Variants in NEB observed in about 807,000 individuals in gnomAD.
The protein encoded by NEB is nemaline myopathy type 2.
NEB carries 512 observed loss-of-function variants against 952.2 expected under a neutral mutation model. That is an observed-to-expected ratio of 0.54 (90% CI 0.50 to 0.58). The LOEUF (loss-of-function observed/expected upper bound fraction) is 0.58. NEB is among the 20% of genes least tolerant of loss of function. The pLI is 0.00. For missense variants in NEB, 8,428 were observed against 9,231.1 expected (o/e 0.91, Z 3.56); for synonymous variants, 2,900 against 3,149.8 (o/e 0.92, Z 2.66).
Position 151,677,950 on chromosome 2 carries a change from G to A in NEB, c.3493C>T (p.Leu1165Phe). ...TCAGGCAAGTAGGTGTAATGATGGAGAGAATGCTTATAGTTGACATTGCTG... is the reference window on the plus strand; with the variant it reads ...TCAGGCAAGTAGGTGTAATGATGGAAAGAATGCTTATAGTTGACATTGCTG... ...VVSNVNYKHSLHHYTYLPDAM... is the reference protein window; with the variant it reads ...VVSNVNYKHSFHHYTYLPDAM... Residue 1165 changes from leucine (L) to phenylalanine (F), a missense_variant, in exon 33 of 182, where the codon CTC becomes TTC. Leu to Phe is a conservative substitution (Grantham distance 22). This residue lies in a region of NEB where 2,851 missense variants were observed against 2,791.5 expected (regional missense o/e 1.02). Transcript: ENST00000397345. The A allele has an allele frequency of 6.2e-7, 1 of 1,613,960 alleles. No individual in the cohort carries two copies. The highest frequency in any genetic ancestry group is 8.5e-7 in the Non-Finnish European group (1 of 1,179,862).
chr2:151,505,084 C>CA (rs1286365541), intron 165 of NEB, among the ~76,000 whole-genome samples: 2 of 152,076 alleles, frequency 1.3e-5, no homozygotes, highest in Non-Finnish European at 2.9e-5. Flanking sequence ...TATATATACA[C>CA]AAAACCAAAG....
intron 153 of NEB, 129 bp downstream of exon 153, chr2:151,524,182 C>T (rs2083912721): frequency 1.3e-6 from 1 of 756,058 alleles, no homozygotes; most frequent in Admixed American, 2.5e-5. Context: ...TTTTATAACT[C>T]TTGGAAGCTT....
rs2099349831 is a variant in NEB, at chr2:151,675,182, G to A, written c.3879+105C>T. On this transcript the variant is annotated intron_variant, in intron 35 of 181. Transcript: ENST00000397345. ...TGGGATATGTTCCAGTAGGGGATTTGTGAGAAATGGGCCTAAATAAATTGT... is the reference window on the plus strand; with the variant it reads ...TGGGATATGTTCCAGTAGGGGATTTATGAGAAATGGGCCTAAATAAATTGT... 5 of 819,558 alleles carry A rather than the reference G, an allele frequency of 6.1e-6. No individual in the cohort carries two copies. In the South Asian group the frequency reaches 7.3e-5, roughly 12 times the overall value. The allele number at this position is 819,558 out of a possible 1,614,324, so 50.8% of individuals were successfully genotyped here. A position where few individuals can be genotyped will look rare whatever the true frequency, so the allele number is the denominator to read the frequency against.
intron 45 of NEB, 119 bp from the exon 46 acceptor site, chr2:151,662,460 T>G: frequency 1.2e-6 from 1 of 865,394 alleles, no homozygotes; most frequent in South Asian, 3.1e-5. Context: ...ACTTTTCCAC[T>G]TCAATATTTG....
In NEB at chr2:151,490,395, C is replaced by G; in HGVS notation, c.25274G>C (p.Gly8425Ala). 6.3e-7 allele frequency: 1 copy of G among 1,592,536 alleles called. No homozygotes were observed. The highest frequency in any genetic ancestry group is 8.6e-7 in the Non-Finnish European group (1 of 1,168,640). ...ACCTGTTGAGACTGCAAAGACACCC[C>G]CGTCGCTGTAAGTCGAAAGGTGGTG... Reference protein sequence around the residue: ...PDHHLSTYSDGGVFAVSTAYK... With the variant: ...PDHHLSTYSDAGVFAVSTAYK... The change falls in exon 180 of 182, where the codon GGG becomes GCG. Residue 8425 changes from glycine (G) to alanine (A), a missense_variant. Gly to Ala is a moderately conservative substitution (Grantham distance 60). Transcript: ENST00000397345.
At chr2:151,609,552 G>T (rs895403852) in intron 81 of NEB, among the ~76,000 whole-genome samples, 1 of 152,178 alleles carries the variant, frequency 6.6e-6, no homozygotes. Flanking sequence ...ATGCTGTTTA[G>T]TGTTTTGGAT....
In NEB at chr2:151,619,769, G is replaced by T. The variant is rs1386545192; in HGVS notation, c.10561-7C>A. The T allele has an allele frequency of 1.3e-6, 2 of 1,597,560 alleles. No individual in the cohort carries two copies. The highest frequency in any genetic ancestry group is 1.7e-5 in the Admixed American group (1 of 59,452). On this transcript the variant is annotated splice_polypyrimidine_tract_variant and splice_region_variant and intron_variant, in intron 72 of 181. Coordinates refer to ENST00000397345, the MANE Select transcript of NEB (RefSeq NM_001164508.2). ...ATGCTTCTTTGTATTTGTACTGAAA[G>T]AGAGAATCCAGTAAATAAGAAGGAA...
intron 146 of NEB, 45 bp downstream of exon 146, chr2:151,529,165 G>T: frequency 3.9e-6 from 5 of 1,296,100 alleles, no homozygotes; most frequent in Non-Finnish European, 4.5e-6. Flanking sequence ...TCCTACAGAA[G>T]CTGGTAAATC....
At chr2:151,495,523 A>C (rs1418239230) in intron 173 of NEB, among the ~76,000 whole-genome samples, 1 of 152,234 alleles carries the variant, frequency 6.6e-6, no homozygotes, top group Admixed American at 6.5e-5. Flanking sequence ...TGGACACCAC[A>C]AGGTTGTTTG....
chr2:151,537,214 G>C lies in NEB; in HGVS notation c.21125C>G (p.Thr7042Ser). 1 of 1,611,864 alleles carries C rather than the reference G, an allele frequency of 6.2e-7. No homozygotes were observed. The highest frequency in any genetic ancestry group is 8.5e-7 in the Non-Finnish European group (1 of 1,178,348). The change falls in exon 141 of 182, where the codon ACT (threonine) becomes AGT (serine). Residue 7042 changes from threonine (T) to serine (S), a missense_variant. Physicochemically the swap from Thr to Ser is moderately conservative, Grantham distance 58. Around this residue, in one of 11 missense-constraint regions of NEB, gnomAD observed 3,374 missense variants for 3,651.5 expected, o/e 0.92. Transcript: ENST00000397345. ...ATAGCAACCAATGCCTTTAAGCCAA[G>C]TCAAGTCTTCTTTATATTTTACCTG... Reference protein sequence around the residue: ...VSDVKYKEDLTWLKGIGCYAY... With the variant: ...VSDVKYKEDLSWLKGIGCYAY...
intron 124 of NEB, among the ~76,000 whole-genome samples, chr2:151,559,914 G>A (rs545605928): frequency 2.0e-5 from 3 of 152,160 alleles, no homozygotes; most frequent in East Asian, 3.9e-4. Flanking sequence ...CGTTCTGCAC[G>A]TGTACCCCAG....
At chr2:151,487,995 T>C (rs1009606461) in intron 181 of NEB, among the ~76,000 whole-genome samples, 1 of 152,294 alleles carries the variant, frequency 6.6e-6, no homozygotes, top group East Asian at 1.9e-4. Context: ...TTATGTACTT[T>C]ATCTTATTTT....
At chr2:151,680,859 T>G in intron 29 of NEB, 31 bp from the exon 30 acceptor site, 3 of 1,504,284 alleles carry the variant, frequency 2.0e-6, no homozygotes, top group Non-Finnish European at 2.8e-6. Flanking sequence ...AGAAAAACAA[T>G]CTTGTTTTCC....
intron 64 of NEB, 80 bp from the exon 65 acceptor site, chr2:151,634,045 A>G (rs1301657947): frequency 4.1e-6 from 6 of 1,451,080 alleles, no homozygotes; most frequent in African/African-American, 1.4e-5. Flanking sequence ...ACTTGCTTAC[A>G]TCATACTTCA....
chr2:151,547,332 GA>G, intron 133 of NEB, 96 bp downstream of exon 133: 1 of 909,818 alleles, frequency 1.1e-6, no homozygotes. Context: ...GTGCTTATCA[GA>G]AAAGGCTGTT....
In NEB at chr2:151,692,210, C is replaced by G; in HGVS notation, c.1999-44G>C. 2.5e-6 allele frequency: 4 copies of G among 1,608,152 alleles called. No homozygotes were observed. The South Asian group carries it at 4.4e-5, about 18-fold the overall frequency. On this transcript the variant is annotated intron_variant, in intron 21 of 181. Coordinates refer to ENST00000397345, the MANE Select transcript of NEB (RefSeq NM_001164508.2). Reference sequence around the variant, plus strand: ...GTAATTCAAGTTAACAATCATTTGTCAAACAGTAGGAAAGCCCTCCTACCC... The same window carrying G: ...GTAATTCAAGTTAACAATCATTTGTGAAACAGTAGGAAAGCCCTCCTACCC...
rs1293378230 is a variant in NEB, at chr2:151,656,270, C to T, written c.6378G>A (p.Lys2126=). 2.5e-6 allele frequency: 4 copies of T among 1,613,534 alleles called. No individual in the cohort carries two copies. The highest frequency in any genetic ancestry group is 3.4e-6 in the Non-Finnish European group (4 of 1,179,670). The change falls in exon 49 of 182, where the codon AAG becomes AAA. Residue 2126 remains lysine, a synonymous_variant. Transcript: ENST00000397345. ...PADMLSVTAA[K]DAQANITNTN... is the part of the protein sequence containing the mutation. ...TGTTGGTGATGTTGGCTTGGGCATC[C>T]TTTGCAGCCGTGACACTGAGCATGT...
Position 151,612,261 on chromosome 2 carries a change from G to T in NEB, c.11730C>A (p.Asp3910Glu), listed in dbSNP as rs760724498. The T allele has an allele frequency of 2.0e-5, 32 of 1,613,840 alleles. No individual in the cohort carries two copies. The highest frequency in any genetic ancestry group is 2.7e-5 in the Non-Finnish European group (32 of 1,179,826). The change falls in exon 78 of 182, where the codon GAC becomes GAA. Residue 3910 changes from aspartate (D) to glutamate (E), a missense_variant. Coordinates refer to ENST00000397345, the MANE Select transcript of NEB (RefSeq NM_001164508.2). ...CGGTAATGCATGTGAATTTGAGCTGGTCTGCAGGCTGGCGATACTTCCTGT... is the reference window on the plus strand; with the variant it reads ...CGGTAATGCATGTGAATTTGAGCTGTTCTGCAGGCTGGCGATACTTCCTGT... ...LSDRKYRQPA[D>E]QLKFTCITDT...
chr2:151,635,456 C>A (rs898958389), intron 64 of NEB, among the ~76,000 whole-genome samples: 9 of 152,092 alleles, frequency 5.9e-5, no homozygotes, highest in African/African-American at 9.7e-5. Flanking sequence ...CTTGTAAAAC[C>A]AGCACTTTGG....
Sources: gnomAD v4.1 joint callset for allele counts (sites outside exome capture counted in the v4.1 genomes callset) on GRCh38, gnomAD v4.1.1 for gene constraint, gnomAD v4.1.1 regional missense constraint, MANE v1.5 for transcripts, NCBI Gene and HGNC (gene_info 2026-07-23, HGNC 2026-07-21) for gene names.